Variants in CERKL observed in about 807,000 individuals in gnomAD.
CERKL encodes ceramide kinase-like protein.
A neutral mutation model predicts 63.4 loss-of-function variants in CERKL; 61 were observed. That is an observed-to-expected ratio of 0.96 (90% CI 0.78 to 1.19). The LOEUF (loss-of-function observed/expected upper bound fraction) is 1.19, where lower values mean the gene tolerates loss of function less well. CERKL is among the 50% of genes most tolerant of loss of function. The pLI is 0.00. For synonymous variants in CERKL, 250 were observed against 230.5 expected (o/e 1.08, Z -0.77); for missense variants, 675 against 655.5 (o/e 1.03, Z -0.33).
In CERKL at chr2:181,549,694, A is replaced by T; in HGVS notation, c.835T>A (p.Leu279Met). Residue 279 changes from leucine to methionine, a missense_variant, in exon 6 of 13, where the codon TTG (leucine) becomes ATG (methionine). Physicochemically the swap from Leu to Met is conservative, Grantham distance 15. Coordinates refer to ENST00000410087, the MANE Select transcript of CERKL (RefSeq NM_201548.5). ...GLIPAGSTNV[L>M]AHSLHGVPHV... ...GGAACTCCATGAAGAGAATGTGCCA[A>T]TACATTGGTAGATCCTGCCAAAGCA... is the stretch of plus-strand genomic sequence containing the variant. 6.2e-7 allele frequency: 1 copy of T among 1,611,688 alleles called. No individual in the cohort carries two copies. Among genetic ancestry groups the T allele is most frequent in the South Asian group, 1.1e-5 (1 of 91,042 alleles).
intron 5 of CERKL, among the ~76,000 whole-genome samples, chr2:181,553,553 T>G (rs1294760873): frequency 6.6e-6 from 1 of 152,174 alleles, no homozygotes; most frequent in African/African-American, 2.4e-5. Flanking sequence ...TTATTCCCTG[T>G]GAGTTTGAAG....
chr2:181,605,857 G>C (rs975911553), intron 1 of CERKL, among the ~76,000 whole-genome samples: 1 of 152,118 alleles, frequency 6.6e-6, no homozygotes, highest in Non-Finnish European at 1.5e-5. Context: ...AGTCCTTGAA[G>C]TATGAACAAT....
intron 11 of CERKL, among the ~76,000 whole-genome samples, chr2:181,541,069 T>C (rs943683476): frequency 6.6e-6 from 1 of 152,214 alleles, no homozygotes; most frequent in Non-Finnish European, 1.5e-5. Flanking sequence ...CAAATTCCTG[T>C]ATTGAAATCC....
At chr2:181,629,311 A>G (rs1197318936) in intron 1 of CERKL, among the ~76,000 whole-genome samples, 1 of 152,192 alleles carries the variant, frequency 6.6e-6, no homozygotes, top group Admixed American at 6.5e-5. Flanking sequence ...TCAGGAACAC[A>G]GTGGATTTAG....
At chr2:181,581,540 A>G (rs1435315741) in intron 2 of CERKL, among the ~76,000 whole-genome samples, 1 of 152,204 alleles carries the variant, frequency 6.6e-6, no homozygotes, top group African/African-American at 2.4e-5. Flanking sequence ...TCTCCTGATC[A>G]AAAGCAATAT....
intron 3 of CERKL, among the ~76,000 whole-genome samples, chr2:181,568,081 C>T (rs1349393223): frequency 1.3e-5 from 2 of 152,088 alleles, no homozygotes; most frequent in African/African-American, 2.4e-5. Flanking sequence ...TGGGAATTTC[C>T]CCCTCCCCTC....
intron 1 of CERKL, among the ~76,000 whole-genome samples, chr2:181,637,329 A>C (rs1687222671): frequency 6.6e-6 from 1 of 152,174 alleles, no homozygotes; most frequent in South Asian, 2.1e-4. Context: ...AACGGAAAGT[A>C]AAGTTTTTTA....
intron 1 of CERKL, among the ~76,000 whole-genome samples, chr2:181,646,217 G>A (rs1034789073): frequency 2.6e-5 from 4 of 152,174 alleles, no homozygotes; most frequent in African/African-American, 7.2e-5. Flanking sequence ...GGGACAGTGA[G>A]GCTAGAGTTA....
chr2:181,625,368 A>C (rs1441094906), intron 1 of CERKL, among the ~76,000 whole-genome samples: 1 of 138,156 alleles, frequency 7.2e-6, no homozygotes, highest in African/African-American at 2.6e-5. Context: ...TGGGGTGAGC[A>C]AAAAAAAAAA....
intron 1 of CERKL, among the ~76,000 whole-genome samples, chr2:181,615,481 T>C (rs1279244868): frequency 6.6e-6 from 1 of 152,238 alleles, no homozygotes; most frequent in Non-Finnish European, 1.5e-5. Flanking sequence ...TTGGCGCTAA[T>C]TGTGCTCACA....
At chr2:181,643,209 A>C (rs1687522935) in intron 1 of CERKL, among the ~76,000 whole-genome samples, 1 of 152,242 alleles carries the variant, frequency 6.6e-6, no homozygotes, top group African/African-American at 2.4e-5. Context: ...TTTAAAATGA[A>C]AGTTCATAGG....
intron 1 of CERKL, among the ~76,000 whole-genome samples, chr2:181,624,194 G>C (rs375667796): frequency 6.6e-6 from 1 of 152,168 alleles, no homozygotes; most frequent in African/African-American, 2.4e-5. Flanking sequence ...ATTTTATGCT[G>C]AACATGCAGA....
intron 1 of CERKL, among the ~76,000 whole-genome samples, chr2:181,646,547 G>A (rs1687680271): frequency 6.6e-6 from 1 of 152,200 alleles, no homozygotes; most frequent in African/African-American, 2.4e-5. Flanking sequence ...TCTGGAGGTA[G>A]ATGATGGTAG....
At chr2:181,579,808 A>G (rs1010054603) in intron 2 of CERKL, among the ~76,000 whole-genome samples, 2 of 151,902 alleles carry the variant, frequency 1.3e-5, no homozygotes, top group Admixed American at 6.5e-5. Flanking sequence ...CCAGATGGCT[A>G]TCTACCTATC....
At chr2:181,592,440 A>G (rs1425897212) in intron 2 of CERKL, among the ~76,000 whole-genome samples, 2 of 152,204 alleles carry the variant, frequency 1.3e-5, no homozygotes, top group Non-Finnish European at 2.9e-5. Flanking sequence ...CACAGATTAC[A>G]TAAGTATTAA....
intron 1 of CERKL, among the ~76,000 whole-genome samples, chr2:181,614,564 GA>G (rs1686111566): frequency 1.3e-5 from 2 of 152,022 alleles, no homozygotes; most frequent in Non-Finnish European, 2.9e-5. Flanking sequence ...TTTGAGTGCT[GA>G]AAAAATATTA....
In CERKL at chr2:181,566,023, T is replaced by A. The variant is rs1170478125; in HGVS notation, c.677+35A>T. On this transcript the variant is annotated intron_variant, in intron 4 of 12. Coordinates refer to ENST00000410087, the MANE Select transcript of CERKL (RefSeq NM_201548.5). ...CTAGTGAAGGCATTTAATACATAAA[T>A]GATATAACATATATTGATTAATAAT... 2.3e-5 allele frequency: 31 copies of A among 1,356,754 alleles called. 1 individual carries two copies. The Admixed American group carries it at 5.2e-4, about 23-fold the overall frequency. The allele number at this position is 1,356,754 out of a possible 1,614,324, so 84.0% of individuals were successfully genotyped here.
At chr2:181,647,515 G>A (rs930753146) in intron 1 of CERKL, among the ~76,000 whole-genome samples, 1 of 152,060 alleles carries the variant, frequency 6.6e-6, no homozygotes, top group Non-Finnish European at 1.5e-5. Context: ...TTGCTGTGAA[G>A]ATTACAGCTG....
At chr2:181,651,376 TACACAAAGCAG>T (rs1553524614) in intron 1 of CERKL, among the ~76,000 whole-genome samples, 1 of 152,192 alleles carries the variant, frequency 6.6e-6, no homozygotes, top group Non-Finnish European at 1.5e-5. Flanking sequence ...TGGTTTAACA[TACACAAAGCAG>T]TAAATGTGAT....
Sources: gnomAD v4.1 joint callset for allele counts (sites outside exome capture counted in the v4.1 genomes callset) on GRCh38, gnomAD v4.1.1 for gene constraint, MANE v1.5 for transcripts, NCBI Gene and HGNC (gene_info 2026-07-23, HGNC 2026-07-21) for gene names.